Variants in ARHGAP44 observed in about 807,000 individuals in gnomAD.
ARHGAP44 encodes the protein rho GTPase-activating protein 44.
ARHGAP44 carries 43 observed loss-of-function variants against 106.8 expected under a neutral mutation model. The observed-to-expected ratio is 0.40, with a 90% CI of 0.32 to 0.52. The LOEUF (loss-of-function observed/expected upper bound fraction) is 0.52. ARHGAP44 is among the 20% of genes least tolerant of loss of function. The pLI is 0.48. For missense variants in ARHGAP44, 866 were observed against 1,050.5 expected (o/e 0.82, Z 2.43); for synonymous variants, 439 against 410.3 (o/e 1.07, Z -0.85).
intron 1 of ARHGAP44, among the ~76,000 whole-genome samples, chr17:12,828,141 T>C (rs1302709660): frequency 6.6e-6 from 1 of 152,068 alleles, no homozygotes; most frequent in African/African-American, 2.4e-5. Context: ...GCCTATAATG[T>C]CTGTAATTTT....
chr17:12,870,505 G>A (rs1428999024), intron 1 of ARHGAP44, among the ~76,000 whole-genome samples: 1 of 152,132 alleles, frequency 6.6e-6, no homozygotes, highest in African/African-American at 2.4e-5. Flanking sequence ...TGTCCTTAAA[G>A]AAACAAAATT....
At chr17:12,986,206 A>G (rs12450877) in intron 20 of ARHGAP44, 3 of 152,288 alleles carry the variant, frequency 2.0e-5, no homozygotes, top group Admixed American at 2.0e-4. Context: ...GAGGCTTATT[A>G]AAAATTAGGC....
At chr17:12,813,375 AAG>A (rs1251306257) in intron 1 of ARHGAP44, among the ~76,000 whole-genome samples, 1 of 152,078 alleles carries the variant, frequency 6.6e-6, no homozygotes, top group Non-Finnish European at 1.5e-5. Flanking sequence ...GATAAGAAGG[AAG>A]AGAGAAAAAC....
intron 16 of ARHGAP44, among the ~76,000 whole-genome samples, chr17:12,972,733 C>T (rs1284982551): frequency 1.3e-5 from 2 of 151,122 alleles, no homozygotes; most frequent in African/African-American, 4.9e-5. Flanking sequence ...GCAGTCTCGG[C>T]TCACTGCAAG....
rs138045450 is a variant in ARHGAP44 at position 12,989,691 on chromosome 17, T to C, written c.2318-341T>C. 4.8e-3 allele frequency among the ~76,000 whole-genome samples: 735 copies of C among 152,206 alleles called. 4 individuals are homozygous for C. Among genetic ancestry groups the C allele is most frequent in the Middle Eastern group, 0.017 (5 of 294 alleles). ...TGGGGAATGAAATGCAGTCGTCTGA[T>C]ATAGATCCCCAAAAAGGTGTCATTG... On this transcript the variant is annotated intron_variant, in intron 20 of 20. Coordinates refer to ENST00000379672, the MANE Select transcript of ARHGAP44 (RefSeq NM_014859.6).
chr17:12,930,527 C>G (rs1391622536), intron 7 of ARHGAP44, among the ~76,000 whole-genome samples: 1 of 152,120 alleles, frequency 6.6e-6, no homozygotes, highest in African/African-American at 2.4e-5. Context: ...CGTGAGCCAC[C>G]GTGCCTGGCC....
At chr17:12,884,824 G>A (rs929306326) in intron 1 of ARHGAP44, among the ~76,000 whole-genome samples, 3 of 152,252 alleles carry the variant, frequency 2.0e-5, no homozygotes, top group Middle Eastern at 3.4e-3. Flanking sequence ...TACACTGAGC[G>A]TAATGGTTTG....
intron 1 of ARHGAP44, 151 bp downstream of exon 1, chr17:12,790,042 G>A (rs2033689517): frequency 1.5e-6 from 1 of 663,206 alleles, no homozygotes; most frequent in Non-Finnish European, 2.3e-6. Context: ...TCGCAGGCGC[G>A]ACCCCTCCTC....
intron 1 of ARHGAP44, among the ~76,000 whole-genome samples, chr17:12,826,405 C>T (rs1203143141): frequency 2.0e-5 from 3 of 152,174 alleles, no homozygotes; most frequent in Non-Finnish European, 2.9e-5. Context: ...TTGACTTAAC[C>T]ATTGGATTGG....
intron 6 of ARHGAP44, among the ~76,000 whole-genome samples, chr17:12,927,337 A>G (rs183620546): frequency 1.3e-5 from 2 of 152,328 alleles, no homozygotes; most frequent in East Asian, 3.9e-4. Context: ...CATTTCTTGT[A>G]TTATAGAGCC....
At chr17:12,985,034 C>T (rs2143451404) in intron 20 of ARHGAP44, 126 bp downstream of exon 20, 2 of 1,237,140 alleles carry the variant, frequency 1.6e-6, no homozygotes, top group Admixed American at 5.5e-5. Context: ...TGGGCTGGCA[C>T]CAGGGGTAGC....
At chr17:12,853,413 A>AG (rs1248607729) in intron 1 of ARHGAP44, among the ~76,000 whole-genome samples, 1 of 152,220 alleles carries the variant, frequency 6.6e-6, no homozygotes, top group African/African-American at 2.4e-5. Flanking sequence ...GATCTACAGA[A>AG]GGAGGTGGGG....
chr17:12,971,112 C>G (rs1156833268), intron 16 of ARHGAP44, among the ~76,000 whole-genome samples: 1 of 152,216 alleles, frequency 6.6e-6, no homozygotes, highest in East Asian at 1.9e-4. Context: ...GCATATGGCA[C>G]TGTAGCCTCT....
At chr17:12,897,213 C>T (rs1598016014) in intron 3 of ARHGAP44, among the ~76,000 whole-genome samples, 1 of 152,074 alleles carries the variant, frequency 6.6e-6, no homozygotes, top group South Asian at 2.1e-4. Flanking sequence ...CTAGGTTTTT[C>T]TCCTCCTTCC....
chr17:12,963,065 A>AAAAAAAAAAAC (rs2039303663), intron 16 of ARHGAP44, among the ~76,000 whole-genome samples: 1 of 142,192 alleles, frequency 7.0e-6, no homozygotes, highest in African/African-American at 2.5e-5. Context: ...AAAAAAAAAA[A>AAAAAAAAAAAC]AAAAAGCAAT....
rs1555546593 is a variant in ARHGAP44 at position 12,845,517 on chromosome 17, A to AAC, written c.54-49422_54-49421insCA. Among the ~76,000 whole-genome samples, 776 of 141,996 alleles carry AAC rather than the reference A, an allele frequency of 5.5e-3. 15 individuals carry two copies. The highest frequency in any genetic ancestry group is 0.021 in the African/African-American group (743 of 35,992). The allele number at this position is 141,996 out of a possible 152,430, so 93.2% of individuals were successfully genotyped here. ...GCAAGACTCCGTCTCAAAAAAAAAA[A>AAC]AAAAACAAAAAAACAACTCTTTCTT... is the stretch of plus-strand genomic sequence containing the variant. On this transcript the variant is annotated intron_variant, in intron 1 of 20. Transcript: ENST00000379672.
intron 4 of ARHGAP44, among the ~76,000 whole-genome samples, chr17:12,910,642 C>T (rs1023447195): frequency 9.9e-5 from 15 of 151,798 alleles, no homozygotes; most frequent in African/African-American, 3.6e-4. Flanking sequence ...GACAGGGTTT[C>T]ACCATGCTGG....
rs71369355 is a variant in ARHGAP44, at chr17:12,963,046, C to CAAAAA, written c.1523+4169_1523+4173dup. Among the ~76,000 whole-genome samples, 159 of 70,862 alleles carry CAAAAA rather than the reference C, an allele frequency of 2.2e-3. 1 individual carries two copies. Among genetic ancestry groups the CAAAAA allele is most frequent in the East Asian group, 3.0e-3 (6 of 1,976 alleles). The allele number at this position is 70,862 out of a possible 152,430, so 46.5% of individuals were successfully genotyped here. ...GGGCAACAGGAGTGAAACACCATCT[C>CAAAAA]AAAAAAAAAAAAAAAAAAAAAAAAG... On this transcript the variant is annotated intron_variant, in intron 16 of 20. Coordinates refer to ENST00000379672, the MANE Select transcript of ARHGAP44 (RefSeq NM_014859.6).
At chr17:12,925,922 C>G (rs2038216719) in intron 6 of ARHGAP44, among the ~76,000 whole-genome samples, 1 of 152,162 alleles carries the variant, frequency 6.6e-6, no homozygotes, top group African/African-American at 2.4e-5. Context: ...CCCAACATGA[C>G]TATCTGTACA....
Sources: gnomAD v4.1 joint callset for allele counts (sites outside exome capture counted in the v4.1 genomes callset) on GRCh38, gnomAD v4.1.1 for gene constraint, MANE v1.5 for transcripts, NCBI Gene and HGNC (gene_info 2026-07-23, HGNC 2026-07-21) for gene names.